GFRA1: variants seen among roughly 807,000 people sequenced by gnomAD.
GFRA1 encodes GDNF family receptor alpha-1.
GFRA1 carries 16 observed loss-of-function variants against 51.6 expected under a neutral mutation model. The ratio of observed to expected loss-of-function variants is 0.31; its 90% CI spans 0.21 to 0.47. The LOEUF is 0.47. Among genes scored for constraint, GFRA1 ranks in the 20% least tolerant of loss-of-function variants. The pLI, the probability that GFRA1 is intolerant of heterozygous loss-of-function variation, is 1.00. For synonymous variants in GFRA1, 270 were observed against 241.3 expected, an observed-to-expected ratio of 1.12 and a Z score of -1.10; for missense variants, 530 against 594.3, an observed-to-expected ratio of 0.89 and a Z score of 1.13.
chr10:116,154,716 T>A (rs768234918), intron 5 of GFRA1, among the ~76,000 whole-genome samples: 1 of 152,204 alleles, frequency 6.6e-6, no homozygotes, highest in Non-Finnish European at 1.5e-5. Context: ...GAAGTTAACT[T>A]TAAAAATAGT....
intron 5 of GFRA1, among the ~76,000 whole-genome samples, chr10:116,198,556 T>C (rs550414557): frequency 1.3e-5 from 2 of 152,344 alleles, no homozygotes; most frequent in South Asian, 4.1e-4. Flanking sequence ...GATAAATGGA[T>C]AGAGAGGCCC....
intron 4 of GFRA1, among the ~76,000 whole-genome samples, chr10:116,251,883 C>A (rs993087652): frequency 6.8e-6 from 1 of 147,296 alleles, no homozygotes; most frequent in African/African-American, 2.5e-5. Flanking sequence ...CAGAAATGGG[C>A]AGGAGGGAGG....
At chr10:116,114,911 G>A (rs1478125029) in intron 6 of GFRA1, among the ~76,000 whole-genome samples, 1 of 152,174 alleles carries the variant, frequency 6.6e-6, no homozygotes, top group African/African-American at 2.4e-5. Flanking sequence ...TGAAGATGGA[G>A]TCATTATCTC....
chr10:116,134,787 A>G (rs1958251562), intron 5 of GFRA1, among the ~76,000 whole-genome samples: 1 of 152,230 alleles, frequency 6.6e-6, no homozygotes, highest in Non-Finnish European at 1.5e-5. Context: ...GTTAACCACA[A>G]GTCATGGGCT....
At chr10:116,210,885 G>A (rs1231194867) in intron 5 of GFRA1, among the ~76,000 whole-genome samples, 1 of 152,186 alleles carries the variant, frequency 6.6e-6, no homozygotes, top group African/African-American at 2.4e-5. Flanking sequence ...CTTTTACCCA[G>A]TAGTGTCAAG....
intron 6 of GFRA1, among the ~76,000 whole-genome samples, chr10:116,109,359 T>A (rs1033560875): frequency 9.9e-5 from 15 of 152,172 alleles, no homozygotes; most frequent in Admixed American, 9.8e-4. Context: ...CAAATCTGAT[T>A]TAGGTGGATA....
At chr10:116,127,063 G>C (rs1268932430) in intron 5 of GFRA1, among the ~76,000 whole-genome samples, 2 of 150,178 alleles carry the variant, frequency 1.3e-5, no homozygotes, top group East Asian at 2.0e-4. Flanking sequence ...AAGAAGCAGA[G>C]AGTGGAATGA....
chr10:116,273,647 C>T (rs1215951295), upstream of GFRA1, among the ~76,000 whole-genome samples: 2 of 5,100 alleles, frequency 3.9e-4, no homozygotes, highest in African/African-American at 8.3e-4. Flanking sequence ...GACACACACA[C>T]TCTCTCTCTC....
At position 116,061,410 on chromosome 10, in the gene GFRA1, T is replaced by G. The variant is rs1398648446; in HGVS notation, c.*2988A>C. 2.0e-5 allele frequency: 3 copies of G among 152,222 alleles called. No individual in the cohort carries two copies. The highest frequency in any genetic ancestry group is 4.4e-5 in the Non-Finnish European group (3 of 68,052). 9.4% of individuals were successfully genotyped at this position (152,222 alleles called of 1,614,324 possible). On this transcript the variant is annotated 3_prime_UTR_variant, in exon 11 of 11. Transcript: ENST00000355422. The stretch of plus-strand genomic sequence containing the variant: ...ATAAATATGTAATTGGCATTCTCAA[T>G]TCCTTCTCTATATTGTGTGCTTCTT...
At chr10:116,104,224 G>T (rs1205981943) in intron 6 of GFRA1, among the ~76,000 whole-genome samples, 1 of 152,340 alleles carries the variant, frequency 6.6e-6, no homozygotes, top group South Asian at 2.1e-4. Context: ...AATACCATAA[G>T]GTCTAAGCAG....
At chr10:116,269,876 GAGCCGGTGACGT>G (rs1843759747) in intron 3 of GFRA1, among the ~76,000 whole-genome samples, 1 of 152,130 alleles carries the variant, frequency 6.6e-6, no homozygotes, top group Non-Finnish European at 1.5e-5. Context: ...AGAGAGGGAA[GAGCCGGTGACGT>G]CACGAGCCCT....
At chr10:116,119,713 A>T (rs957512508) in intron 6 of GFRA1, among the ~76,000 whole-genome samples, 1 of 152,226 alleles carries the variant, frequency 6.6e-6, no homozygotes, top group African/African-American at 2.4e-5. Flanking sequence ...CTTGATCTCT[A>T]AGATCCACAG....
intron 8 of GFRA1, 83 bp from the exon 9 acceptor site, chr10:116,090,005 C>T: frequency 1.6e-6 from 2 of 1,252,252 alleles, no homozygotes; most frequent in Non-Finnish European, 2.3e-6. Context: ...GAGAGGCACA[C>T]TAGAAATTCT....
At chr10:116,265,738 TG>T (rs1315241837) in intron 4 of GFRA1, among the ~76,000 whole-genome samples, 4 of 152,178 alleles carry the variant, frequency 2.6e-5, no homozygotes, top group Non-Finnish European at 5.9e-5. Context: ...CTCTGCCCTC[TG>T]GGATCCTAGG....
intron 5 of GFRA1, among the ~76,000 whole-genome samples, chr10:116,181,817 G>C (rs897787294): frequency 6.6e-6 from 1 of 152,008 alleles, no homozygotes; most frequent in Non-Finnish European, 1.5e-5. Context: ...CTAATTTTTT[G>C]TATTTTTAGT....
chr10:116,109,413 G>A (rs954987139), intron 6 of GFRA1, among the ~76,000 whole-genome samples: 1 of 152,064 alleles, frequency 6.6e-6, no homozygotes, highest in Admixed American at 6.5e-5. Flanking sequence ...AGAATTAGTG[G>A]GCATTCTTTT....
chr10:116,228,298 A>C (rs752717849), intron 4 of GFRA1, among the ~76,000 whole-genome samples: 3 of 152,206 alleles, frequency 2.0e-5, no homozygotes, highest in Non-Finnish European at 4.4e-5. Context: ...GCTTCTGATA[A>C]GGAAGTTTAA....
At chr10:116,162,460 T>C (rs929214397) in intron 5 of GFRA1, among the ~76,000 whole-genome samples, 5 of 152,150 alleles carry the variant, frequency 3.3e-5, no homozygotes, top group African/African-American at 1.2e-4. Context: ...TGGCAGGACT[T>C]CCCACCCTCA....
chr10:116,143,852 C>A (rs767417661), intron 5 of GFRA1, among the ~76,000 whole-genome samples: 1 of 152,144 alleles, frequency 6.6e-6, no homozygotes, highest in Non-Finnish European at 1.5e-5. Context: ...TGGTCCTAGG[C>A]CAATGTTCTC....
Sources: allele counts gnomAD v4.1 joint callset (sites outside exome capture counted in the v4.1 genomes callset), GRCh38; gene constraint gnomAD v4.1.1; transcripts MANE v1.5; gene names NCBI Gene and HGNC (gene_info 2026-07-23, HGNC 2026-07-21).